Variants in CTSS observed in about 807,000 individuals in gnomAD.
CTSS encodes the protein cathepsin S.
CTSS carries 15 observed loss-of-function variants against 39.9 expected under a neutral mutation model. That is an observed-to-expected ratio of 0.38 (90% CI 0.25 to 0.58). CTSS has a LOEUF of 0.58. CTSS is among the 20% of genes least tolerant of loss of function. CTSS has a pLI of 0.70. For synonymous variants in CTSS, 126 were observed against 138.2 expected, an observed-to-expected ratio of 0.91 and a Z score of 0.62; for missense variants, 250 against 398.2, an observed-to-expected ratio of 0.63 and a Z score of 3.17.
intron 1 of CTSS, 122 bp from the exon 2 acceptor site, chr1:150,764,886 A>G: frequency 1.7e-6 from 2 of 1,147,536 alleles, no homozygotes; most frequent in Non-Finnish European, 2.5e-6. Flanking sequence ...TATAAACAGA[A>G]TTATACAGGA....
intron 3 of CTSS, among the ~76,000 whole-genome samples, chr1:150,756,708 C>CTTTTTTTTTTTTTTTTTTTTTTTT (rs72242218): frequency 2.3e-5 from 3 of 131,180 alleles, no homozygotes; most frequent in Admixed American, 8.2e-5. Flanking sequence ...TTCTTTCTTT[C>CTTTTTTTTTTTTTTTTTTTTTTTT]TTTTTTTTTT....
rs1652866542 is a variant in CTSS at position 150,745,025 on chromosome 1, A to C, written c.896+2752T>G. On this transcript the variant is annotated intron_variant, in intron 7 of 7. Transcript: ENST00000368985. Reference sequence around the variant, plus strand: ...AAAAGCTATCACTGGTCTACACCCAAGCTGATCAGTGCTGTGAATAGGTTA... The same window carrying C: ...AAAAGCTATCACTGGTCTACACCCACGCTGATCAGTGCTGTGAATAGGTTA... 2.0e-5 allele frequency among the ~76,000 whole-genome samples: 3 copies of C among 152,198 alleles called. No individual in the cohort carries two copies. The South Asian group carries it at 6.2e-4, about 32-fold the overall frequency.
At chr1:150,759,503 C>G (rs587689760) in intron 2 of CTSS, among the ~76,000 whole-genome samples, 1 of 152,254 alleles carries the variant, frequency 6.6e-6, no homozygotes, top group Non-Finnish European at 1.5e-5. Flanking sequence ...TTCTATCCAG[C>G]TCTTTCCAGT....
At chr1:150,740,557 A>AT (rs1159465765) in intron 7 of CTSS, among the ~76,000 whole-genome samples, 3 of 151,532 alleles carry the variant, frequency 2.0e-5, no homozygotes, top group Admixed American at 6.6e-5. Context: ...CGCCTGGCTA[A>AT]TTTTTTTTGT....
Position 150,749,572 on chromosome 1 carries a change from A to ACCCCGCCCCG in CTSS, c.793+424_793+433dup, listed in dbSNP as rs1025330281. The stretch of plus-strand genomic sequence containing the variant: ...GCCTCGCCTCACCCCGCCCCGCCTC[A>ACCCCGCCCCG]CCCCGCCCCGCCCCGCCCCGCCCCA... On this transcript the variant is annotated intron_variant, in intron 6 of 7. Coordinates refer to ENST00000368985, the MANE Select transcript of CTSS (RefSeq NM_004079.5). Among the ~76,000 whole-genome samples the ACCCCGCCCCG allele has an allele frequency of 2.8e-4, 13 of 46,694 alleles. No individual in the cohort carries two copies. In the South Asian group the frequency reaches 3.4e-3, roughly 12 times the overall value. The allele number at this position is 46,694 out of a possible 152,430, so 30.6% of individuals were successfully genotyped here.
chr1:150,736,681 C>T (rs762738646), intron 7 of CTSS, among the ~76,000 whole-genome samples: 1 of 152,074 alleles, frequency 6.6e-6, no homozygotes, highest in East Asian at 1.9e-4. Flanking sequence ...CTCAGTTTTA[C>T]CGACCAAGAT....
intron 7 of CTSS, among the ~76,000 whole-genome samples, chr1:150,735,706 A>G (rs988237149): frequency 6.6e-6 from 1 of 150,980 alleles, no homozygotes; most frequent in Non-Finnish European, 1.5e-5. Context: ...CTCCTGCCTC[A>G]GCCTTACAAG....
At chr1:150,734,363 G>A (rs1346183511) in intron 7 of CTSS, among the ~76,000 whole-genome samples, 1 of 151,838 alleles carries the variant, frequency 6.6e-6, no homozygotes, top group Non-Finnish European at 1.5e-5. Flanking sequence ...ACTATTGGTC[G>A]GGCACGGTGG....
chr1:150,758,887 T>C (rs1367030903), intron 2 of CTSS, among the ~76,000 whole-genome samples: 1 of 151,110 alleles, frequency 6.6e-6, no homozygotes, highest in Non-Finnish European at 1.5e-5. Flanking sequence ...CTTGCTCTTT[T>C]GCCCAGGCTG....
At chr1:150,751,717 GCA>G (rs1473882489) in intron 5 of CTSS, 62 bp downstream of exon 5, 2 of 1,452,418 alleles carry the variant, frequency 1.4e-6, no homozygotes, top group African/African-American at 1.4e-5. Context: ...GGCAAGCCCA[GCA>G]CAGTCAGTCA....
In CTSS at chr1:150,730,566, CAG is replaced by C. The variant is rs1557805808; in HGVS notation, c.*2478_*2479del. The C allele has an allele frequency of 6.6e-6, 1 of 151,528 alleles. No individual in the cohort carries two copies. The allele number at this position is 151,528 out of a possible 1,614,324, so 9.4% of individuals were successfully genotyped here. A position where few individuals can be genotyped will look rare whatever the true frequency, so the allele number is the denominator to read the frequency against. ...CTGGGGAGAACAGCAGGCAGAAGGT[CAG>C]AGTCACCTTCCTGCTTCTGCAATTT... is the stretch of plus-strand genomic sequence containing the variant. On this transcript the variant is annotated 3_prime_UTR_variant, in exon 8 of 8. Coordinates refer to ENST00000368985, the MANE Select transcript of CTSS (RefSeq NM_004079.5).
At chr1:150,751,006 T>C (rs1252340799) in intron 5 of CTSS, among the ~76,000 whole-genome samples, 1 of 152,128 alleles carries the variant, frequency 6.6e-6, no homozygotes, top group African/African-American at 2.4e-5. Flanking sequence ...ACAATAGTGG[T>C]TAAGGTAGAA....
At chr1:150,756,526 T>C (rs1232596518) in intron 3 of CTSS, among the ~76,000 whole-genome samples, 3 of 152,068 alleles carry the variant, frequency 2.0e-5, no homozygotes, top group Admixed American at 6.6e-5. Flanking sequence ...GACAAGTGAG[T>C]AGTGTGTTGT....
Position 150,757,849 on chromosome 1 carries a change from TG to T in CTSS, c.249+8del, listed in dbSNP as rs759045452. On this transcript the variant is annotated splice_region_variant and intron_variant, in intron 3 of 7. Coordinates refer to ENST00000368985, the MANE Select transcript of CTSS (RefSeq NM_004079.5). ...GACGTGAAAGTGGGATTTCTTGTAA[TG>T]TACCTACCATGTCTCCCAGGTGGTT... 1 of 1,610,242 alleles carries T rather than the reference TG, an allele frequency of 6.2e-7. No individual in the cohort carries two copies. Among genetic ancestry groups the T allele is most frequent in the Non-Finnish European group, 8.5e-7 (1 of 1,177,368 alleles).
intron 3 of CTSS, among the ~76,000 whole-genome samples, chr1:150,757,423 G>T (rs1028520637): frequency 6.6e-6 from 1 of 152,148 alleles, no homozygotes; most frequent in Non-Finnish European, 1.5e-5. Flanking sequence ...GTAAAGTTTT[G>T]CAGGACAGAA....
rs151246214 is a variant in CTSS, at chr1:150,737,264, G to T, written c.897-4119C>A. Among the ~76,000 whole-genome samples, 405 of 152,152 alleles carry T rather than the reference G, an allele frequency of 2.7e-3. 2 individuals are homozygous for T. The highest frequency in any genetic ancestry group is 9.1e-3 in the African/African-American group (377 of 41,494). ...ATTACAGGCGTGCGCCATCATGCCC[G>T]GATAATTTTGTATTTTTAGTAGAGA... On this transcript the variant is annotated intron_variant, in intron 7 of 7. Coordinates refer to ENST00000368985, the MANE Select transcript of CTSS (RefSeq NM_004079.5).
intron 4 of CTSS, among the ~76,000 whole-genome samples, chr1:150,753,010 C>T (rs1457905178): frequency 6.6e-6 from 1 of 151,858 alleles, no homozygotes; most frequent in Non-Finnish European, 1.5e-5. Context: ...CGCACCATGC[C>T]TGGCTAATTT....
chr1:150,752,961 C>T (rs587698406), intron 4 of CTSS, among the ~76,000 whole-genome samples: 1 of 152,256 alleles, frequency 6.6e-6, no homozygotes, highest in East Asian at 1.9e-4. Flanking sequence ...TCAAGCGATC[C>T]TCCCATCTCA....
intron 6 of CTSS, among the ~76,000 whole-genome samples, chr1:150,749,031 G>A (rs752641783): frequency 3.3e-5 from 5 of 152,084 alleles, no homozygotes; most frequent in African/African-American, 1.2e-4. Context: ...ACTGATCCAC[G>A]GACTGGCCAC....
Sources: allele counts gnomAD v4.1 joint callset (sites outside exome capture counted in the v4.1 genomes callset), GRCh38; gene constraint gnomAD v4.1.1; transcripts MANE v1.5; gene names NCBI Gene and HGNC (gene_info 2026-07-23, HGNC 2026-07-21).